The following SPHK1 variants were observed in gnomAD, a reference collection of about 807,000 sequenced individuals.
SPHK1 encodes the protein SK 1.
SPHK1 carries 10 observed loss-of-function variants against 14.6 expected under a neutral mutation model. The ratio of observed to expected loss-of-function variants is 0.68; its 90% CI spans 0.42 to 1.16. The LOEUF is 1.16. Among genes scored for constraint, SPHK1 ranks in the 50% most tolerant of loss-of-function variants. The probability of loss-of-function intolerance (pLI) is 0.00; values close to 1 mark genes in which losing one functional copy is unlikely to be tolerated. For synonymous variants in SPHK1, 274 were observed against 224.0 expected (o/e 1.22, Z -1.99); for missense variants, 553 against 525.4 (o/e 1.05, Z -0.51).
rs1466673494 is a variant in SPHK1, at chr17:76,387,603, T to G, written c.*17T>G. 2 of 1,551,910 alleles carry G rather than the reference T, an allele frequency of 1.3e-6. No individual in the cohort carries two copies. The highest frequency in any genetic ancestry group is 3.5e-5 in the Admixed American group (2 of 56,448). ...CCCTTATGACCCCTGGGCCGCGCTG[T>G]GCCTTAGTGTCTACTTGCAGGACCC... On this transcript the variant is annotated 3_prime_UTR_variant, in exon 6 of 6. Transcript: ENST00000592299. This position sits in a 1 kb window ranked among gnomAD's most constrained non-coding sequence, Gnocchi z 4.1.
chr17:76,384,229 G>A (rs963193067), upstream of SPHK1: 2 of 152,846 alleles, frequency 1.3e-5, no homozygotes, highest in African/African-American at 4.8e-5. Flanking sequence ...CCGGGAGAGC[G>A]GAGCCGCGCG....
rs1464903987 is a variant in SPHK1, at chr17:76,387,785, T to C, written c.*199T>C. The C allele has an allele frequency of 8.3e-6, 5 of 599,436 alleles. No individual in the cohort carries two copies. Among genetic ancestry groups the C allele is most frequent in the Non-Finnish European group, 1.1e-5 (4 of 354,664 alleles). 37.1% of individuals were successfully genotyped at this position (599,436 alleles called of 1,614,324 possible). A position where few individuals can be genotyped will look rare whatever the true frequency, so the allele number is the denominator to read the frequency against. On this transcript the variant is annotated 3_prime_UTR_variant, in exon 6 of 6. Coordinates refer to ENST00000592299, the MANE Select transcript of SPHK1 (RefSeq NM_001142601.2). This position sits in a 1 kb window ranked among gnomAD's most constrained non-coding sequence, Gnocchi z 4.1. ...GCCCAGCTGGCTGGGCCCAGCTGCC[T>C]ATGTAAGGCCTTCTAGTTTGTTCTG...
upstream of SPHK1, chr17:76,383,664 C>T (rs1261188491): frequency 1.3e-5 from 5 of 376,448 alleles, no homozygotes; most frequent in East Asian, 4.9e-4. Context: ...CCGTCTCCGC[C>T]GTAACCCCCC....
rs751364128 is a variant in SPHK1, at chr17:76,385,165, G to A, written c.-194-286G>A. Reference sequence around the variant, plus strand: ...GGACTCCCCTCCCCCTGGCAGCCCCGAGGGGTGAGGAGCTAGTCCGTCGGA... The same window carrying A: ...GGACTCCCCTCCCCCTGGCAGCCCCAAGGGGTGAGGAGCTAGTCCGTCGGA... On this transcript the variant is annotated intron_variant, in intron 1 of 5. Transcript: ENST00000592299. This position sits in a 1 kb window ranked among gnomAD's most constrained non-coding sequence, Gnocchi z 5.3. The A allele has an allele frequency of 1.3e-6, 2 of 1,590,284 alleles. No homozygotes were observed. The highest frequency in any genetic ancestry group is 1.2e-5 in the South Asian group (1 of 86,948).
Position 76,385,148 on chromosome 17 carries a change from C to G in SPHK1, c.-194-303C>G. ...GGGATTTTTACGCAGCTGGACTCCCCTCCCCCTGGCAGCCCCGAGGGGTGA... is the reference window on the plus strand; with the variant it reads ...GGGATTTTTACGCAGCTGGACTCCCGTCCCCCTGGCAGCCCCGAGGGGTGA... On this transcript the variant is annotated intron_variant, in intron 1 of 5. Coordinates refer to ENST00000592299, the MANE Select transcript of SPHK1 (RefSeq NM_001142601.2). The surrounding 1 kb of genome is among the most constrained non-coding windows in gnomAD (Gnocchi z 5.3). 6.3e-7 allele frequency: 1 copy of G among 1,594,972 alleles called. No individual in the cohort carries two copies. The highest frequency in any genetic ancestry group is 8.5e-7 in the Non-Finnish European group (1 of 1,172,114).
rs55648239 is a variant in SPHK1, at chr17:76,387,479, G to A, written c.1048G>A (p.Val350Met). Residue 350 changes from valine to methionine, a missense_variant, in exon 6 of 6, where the codon GTG becomes ATG. Val to Met is a conservative substitution (Grantham distance 21). Coordinates refer to ENST00000592299, the MANE Select transcript of SPHK1 (RefSeq NM_001142601.2). The surrounding 1 kb of genome is among the most constrained non-coding windows in gnomAD (Gnocchi z 4.1). ...VDGELMVSEAVQGQVHPNYFW... is the reference protein window; with the variant it reads ...VDGELMVSEAMQGQVHPNYFW... ...TGGGGAATTGATGGTTAGCGAGGCC[G>A]TGCAGGGCCAGGTGCACCCAAACTA... 3.4e-5 allele frequency: 55 copies of A among 1,613,452 alleles called. No homozygotes were observed. Among genetic ancestry groups the A allele is most frequent in the East Asian group, 2.0e-4 (9 of 44,874 alleles).
Position 76,385,614 on chromosome 17 carries a change from C to A in SPHK1, c.-31C>A. 1 of 1,539,690 alleles carries A rather than the reference C, an allele frequency of 6.5e-7. No homozygotes were observed. The highest frequency in any genetic ancestry group is 1.2e-5 in the South Asian group (1 of 84,332). On this transcript the variant is annotated 5_prime_UTR_variant, in exon 2 of 6. Transcript: ENST00000592299. The surrounding 1 kb of genome is among the most constrained non-coding windows in gnomAD (Gnocchi z 5.3). ...GCAGCGCCCCCACAGCGCCAGGGAC[C>A]CCCTGGCAGCGGGAGCCGCGGGTCG...
At chr17:76,383,537 G>C (rs2071903401), upstream of SPHK1, 1 of 273,894 alleles carries the variant, frequency 3.7e-6, no homozygotes, top group Non-Finnish European at 7.3e-6. Flanking sequence ...GAGGTGTGTG[G>C]GGGCGGGTGG....
At chr17:76,383,492 G>A (rs754929189), upstream of SPHK1, 9 of 232,490 alleles carry the variant, frequency 3.9e-5, no homozygotes, top group Non-Finnish European at 7.1e-5. Flanking sequence ...GCTCCTCCTG[G>A]ACCTGCCTCT....
Position 76,385,173 on chromosome 17 carries a change from A to G in SPHK1, c.-194-278A>G. On this transcript the variant is annotated intron_variant, in intron 1 of 5. Transcript: ENST00000592299. The surrounding 1 kb of genome is among the most constrained non-coding windows in gnomAD (Gnocchi z 5.3). ...CTCCCCCTGGCAGCCCCGAGGGGTG[A>G]GGAGCTAGTCCGTCGGAGGGAGCCA... 1 of 1,587,236 alleles carries G rather than the reference A, an allele frequency of 6.3e-7. No homozygotes were observed.
upstream of SPHK1, chr17:76,384,110 T>A: frequency 3.7e-6 from 1 of 273,084 alleles, no homozygotes; most frequent in Non-Finnish European, 7.3e-6. Flanking sequence ...CGTGCGGGCC[T>A]CGAATTTCGG....
Position 76,386,365 on chromosome 17 carries a change from C to A in SPHK1, c.259-28C>A. On this transcript the variant is annotated intron_variant, in intron 4 of 5. Coordinates refer to ENST00000592299, the MANE Select transcript of SPHK1 (RefSeq NM_001142601.2). This position sits in a 1 kb window ranked among gnomAD's most constrained non-coding sequence, Gnocchi z 5.3. Reference sequence around the variant, plus strand: ...GCCTGGGGCTTGGCGCGGTGCGTCCCAGGCTGAGGCCACGTGTGCTTCAAC... The same window carrying A: ...GCCTGGGGCTTGGCGCGGTGCGTCCAAGGCTGAGGCCACGTGTGCTTCAAC... 1 of 1,607,630 alleles carries A rather than the reference C, an allele frequency of 6.2e-7. No individual in the cohort carries two copies. The highest frequency in any genetic ancestry group is 2.2e-5 in the East Asian group (1 of 44,710).
At chr17:76,383,465 C>G (rs1462925948), upstream of SPHK1, 2 of 184,932 alleles carry the variant, frequency 1.1e-5, no homozygotes, top group Non-Finnish European at 2.3e-5. Context: ...GGGCGCCGCC[C>G]GGCTAATTGG....
Position 76,387,248 on chromosome 17 carries a change from T to G in SPHK1, c.817T>G (p.Phe273Val). The G allele has an allele frequency of 3.1e-6, 5 of 1,613,324 alleles. No homozygotes were observed. The highest frequency in any genetic ancestry group is 4.2e-6 in the Non-Finnish European group (5 of 1,179,922). The change falls in exon 6 of 6, where the codon TTT becomes GTT. Residue 273 changes from phenylalanine to valine, a missense_variant. Physicochemically the swap from Phe to Val is conservative, Grantham distance 50. Coordinates refer to ENST00000592299, the MANE Select transcript of SPHK1 (RefSeq NM_001142601.2). The surrounding 1 kb of genome is among the most constrained non-coding windows in gnomAD (Gnocchi z 4.1). ...GCACTCGCACCTGGGCAGTGAGATG[T>G]TTGCTGCACCCATGGGCCGCTGTGC... ...LLHSHLGSEM[F>V]AAPMGRCAAG...
Position 76,386,044 on chromosome 17 carries a change from C to T in SPHK1, c.70C>T (p.Arg24Cys). 2 of 1,608,220 alleles carry T rather than the reference C, an allele frequency of 1.2e-6. No individual in the cohort carries two copies. Among genetic ancestry groups the T allele is most frequent in the Non-Finnish European group, 1.7e-6 (2 of 1,177,326 alleles). ...PCRVLVLLNP[R>C]GGKGKALQLF... ...CCGCGTGCTGGTGCTGCTGAACCCG[C>T]GCGGCGGCAAGGGCAAGGCCTTGCA... Residue 24 changes from arginine to cysteine, a missense_variant, in exon 3 of 6, where the codon CGC becomes TGC. By Grantham distance (180) the Arg-to-Cys change is radical (BLOSUM62 -3). Coordinates refer to ENST00000592299, the MANE Select transcript of SPHK1 (RefSeq NM_001142601.2). This position sits in a 1 kb window ranked among gnomAD's most constrained non-coding sequence, Gnocchi z 5.3.
In SPHK1 at chr17:76,386,367, GGCTGAGGCCAC is replaced by G; in HGVS notation, c.259-24_259-14del. 1 of 1,608,082 alleles carries G rather than the reference GGCTGAGGCCAC, an allele frequency of 6.2e-7. No individual in the cohort carries two copies. The highest frequency in any genetic ancestry group is 8.5e-7 in the Non-Finnish European group (1 of 1,177,036). On this transcript the variant is annotated splice_polypyrimidine_tract_variant and intron_variant, in intron 4 of 5. Transcript: ENST00000592299. The surrounding 1 kb of genome is among the most constrained non-coding windows in gnomAD (Gnocchi z 5.3). Reference sequence around the variant, plus strand: ...CTGGGGCTTGGCGCGGTGCGTCCCAGGCTGAGGCCACGTGTGCTTCAACAGGTGGTGAACGG... The same window carrying G: ...CTGGGGCTTGGCGCGGTGCGTCCCAGGTGTGCTTCAACAGGTGGTGAACGG...
At position 76,386,420 on chromosome 17, in the gene SPHK1, G is replaced by C; in HGVS notation, c.286G>C (p.Asp96His). 6.2e-7 allele frequency: 1 copy of C among 1,612,746 alleles called. No individual in the cohort carries two copies. Among genetic ancestry groups the C allele is most frequent in the East Asian group, 2.2e-5 (1 of 44,854 alleles). Residue 96 changes from aspartate to histidine, a missense_variant, in exon 5 of 6, where the codon GAC becomes CAC. By Grantham distance (81) the Asp-to-His change is moderately conservative. Coordinates refer to ENST00000592299, the MANE Select transcript of SPHK1 (RefSeq NM_001142601.2). This position sits in a 1 kb window ranked among gnomAD's most constrained non-coding sequence, Gnocchi z 5.3. ...GGTGAACGGGCTCATGGAGCGGCCT[G>C]ACTGGGAGACCGCCATCCAGAAGCC... ...EVVNGLMERP[D>H]WETAIQKPLC... is the part of the protein sequence containing the mutation.
chr17:76,386,579 A>C lies in SPHK1; in HGVS notation c.374+71A>C. On this transcript the variant is annotated intron_variant, in intron 5 of 5. Coordinates refer to ENST00000592299, the MANE Select transcript of SPHK1 (RefSeq NM_001142601.2). This position sits in a 1 kb window ranked among gnomAD's most constrained non-coding sequence, Gnocchi z 5.3. ...TCTACCGCGGGGGTTTTCTTGTCTA[A>C]GCTCCCATAGGCTGAGATCATTTCC... 1 of 1,427,404 alleles carries C rather than the reference A, an allele frequency of 7.0e-7. No homozygotes were observed. The highest frequency in any genetic ancestry group is 9.6e-7 in the Non-Finnish European group (1 of 1,041,532). 88.4% of individuals were successfully genotyped at this position (1,427,404 alleles called of 1,614,324 possible).
chr17:76,386,785 TCTGA>T lies in SPHK1; in HGVS notation c.375-18_375-15del, dbSNP rs143073375. On this transcript the variant is annotated splice_polypyrimidine_tract_variant and intron_variant, in intron 5 of 5. Transcript: ENST00000592299. The surrounding 1 kb of genome is among the most constrained non-coding windows in gnomAD (Gnocchi z 5.3). The stretch of plus-strand genomic sequence containing the variant: ...ACATGGGGGCTCCTGTCCTGCCTTA[TCTGA>T]CTTTTTCCCCCTGCAGCTATGAGCA... The T allele has an allele frequency of 7.2e-6, 11 of 1,526,970 alleles. No individual in the cohort carries two copies. Among genetic ancestry groups the T allele is most frequent in the Middle Eastern group, 1.8e-4 (1 of 5,632 alleles). The allele number at this position is 1,526,970 out of a possible 1,614,324, so 94.6% of individuals were successfully genotyped here.
Sources: gnomAD v4.1 joint callset for allele counts on GRCh38, gnomAD v4.1.1 for gene constraint, Gnocchi (gnomAD v3.1) non-coding constraint, MANE v1.5 for transcripts, NCBI Gene and HGNC (gene_info 2026-07-23, HGNC 2026-07-21) for gene names.